RBBP6: variants seen among roughly 807,000 people sequenced by gnomAD.
RBBP6 encodes the protein E3 ubiquitin-protein ligase RBBP6.
Under a neutral mutation model 167.7 loss-of-function variants are expected in RBBP6, and 25 were observed. That is an observed-to-expected ratio of 0.15 (90% CI 0.11 to 0.21). The LOEUF (loss-of-function observed/expected upper bound fraction) is 0.21, where lower values mean the gene tolerates loss of function less well. Ranked by LOEUF, RBBP6 falls within the 10% of genes least tolerant of loss-of-function variation. RBBP6 has a pLI of 1.00. For missense variants in RBBP6, 1,868 were observed against 2,134.2 expected, an observed-to-expected ratio of 0.88 and a Z score of 2.46; for synonymous variants, 789 against 735.8, an observed-to-expected ratio of 1.07 and a Z score of -1.17.
At chr16:24,557,716 G>T (rs1317905063) in intron 7 of RBBP6, among the ~76,000 whole-genome samples, 3 of 152,086 alleles carry the variant, frequency 2.0e-5, no homozygotes, top group Non-Finnish European at 4.4e-5. Flanking sequence ...AGAATTAGGT[G>T]TTCATGTTCT....
intron 1 of RBBP6, among the ~76,000 whole-genome samples, chr16:24,541,940 A>G: frequency 6.6e-6 from 1 of 152,220 alleles, no homozygotes; most frequent in Non-Finnish European, 1.5e-5. Flanking sequence ...AAATCTTGTC[A>G]TGTAGAAGAC....
rs1384413540 is a variant in RBBP6, at chr16:24,572,436, C to T, written c.5370C>T (p.Val1790=). Residue 1790 remains valine, a synonymous_variant, in exon 18 of 18, where the codon GTC becomes GTT. Coordinates refer to ENST00000319715, the MANE Select transcript of RBBP6 (RefSeq NM_006910.5). ...AAGATGACCAAAAAGTGAAATCTGT[C>T]ACTGTGTAAAAAGACAGATTTTTTA... ...KEKDDQKVKS[V]TV is the part of the protein sequence containing the mutation. 2.6e-6 allele frequency: 4 copies of T among 1,525,252 alleles called. No homozygotes were observed. The highest frequency in any genetic ancestry group is 1.7e-4 in the Middle Eastern group (1 of 5,780). 94.5% of individuals were successfully genotyped at this position (1,525,252 alleles called of 1,614,324 possible). A position where few individuals can be genotyped will look rare whatever the true frequency, so the allele number is the denominator to read the frequency against.
In RBBP6 at chr16:24,562,004, A is replaced by C. The variant is rs201441676; in HGVS notation, c.1132A>C (p.Thr378Pro). Residue 378 changes from threonine to proline, a missense_variant, in exon 10 of 18, where the codon ACT becomes CCT. By Grantham distance (38) the Thr-to-Pro change is conservative (BLOSUM62 -1). Around this residue, in one of 7 missense-constraint regions of RBBP6, gnomAD observed 245 missense variants for 240.1 expected, o/e 1.02. Transcript: ENST00000319715. ...TATGATTCCAGTGACATCTTCATCA[A>C]CTCACCCAGCTCCGTCTATATCTTC... The part of the protein sequence containing the change: ...PLMIPVTSSS[T>P]HPAPSISSLT... 350 of 1,613,306 alleles carry C rather than the reference A, an allele frequency of 2.2e-4. 6 individuals are homozygous for C. In the South Asian group the frequency reaches 3.7e-3, roughly 17 times the overall value.
chr16:24,567,551 G>A, intron 15 of RBBP6, 46 bp downstream of exon 15: 1 of 1,531,882 alleles, frequency 6.5e-7, no homozygotes, highest in Non-Finnish European at 8.8e-7. Flanking sequence ...TTCATTTTCT[G>A]ATAATAACAT....
rs1488364358 is a variant in RBBP6, at chr16:24,561,859, A to C, written c.987A>C (p.Thr329=). The part of the protein sequence containing the change: ...VNNFKNETGY[T]KRLRKQLPPP... ...ACTTCAAAAATGAAACTGGCTATACAAAAAGACTACGAAAACAGTTACCTC... is the reference window on the plus strand; with the variant it reads ...ACTTCAAAAATGAAACTGGCTATACCAAAAGACTACGAAAACAGTTACCTC... The change falls in exon 10 of 18, where the codon ACA becomes ACC. Residue 329 remains threonine (T), a synonymous_variant. Coordinates refer to ENST00000319715, the MANE Select transcript of RBBP6 (RefSeq NM_006910.5). 2 of 1,612,974 alleles carry C rather than the reference A, an allele frequency of 1.2e-6. No homozygotes were observed. The highest frequency in any genetic ancestry group is 2.2e-5 in the East Asian group (1 of 44,882).
intron 8 of RBBP6, among the ~76,000 whole-genome samples, 166 bp from the exon 9 acceptor site, chr16:24,561,446 A>C (rs751286604): frequency 6.6e-6 from 1 of 152,222 alleles, no homozygotes; most frequent in Non-Finnish European, 1.5e-5. Context: ...GGAGTACTGT[A>C]AGATGAGAGA....
At chr16:24,548,784 A>G (rs72783902) in intron 2 of RBBP6, among the ~76,000 whole-genome samples, 161 bp from the exon 3 acceptor site, 12,553 of 152,250 alleles carry the variant, frequency 0.082, 637 homozygotes, top group Non-Finnish European at 0.11. Context: ...GTAAAGATTA[A>G]TCAGAGTAAT....
intron 15 of RBBP6, 50 bp downstream of exon 15, chr16:24,567,555 A>G: frequency 2.6e-6 from 4 of 1,519,214 alleles, no homozygotes; most frequent in Non-Finnish European, 3.5e-6. Flanking sequence ...TTTTCTGATA[A>G]TAACATTAAA....
At chr16:24,545,614 G>T (rs550330869) in intron 1 of RBBP6, among the ~76,000 whole-genome samples, 97 of 152,170 alleles carry the variant, frequency 6.4e-4, no homozygotes, top group African/African-American at 2.3e-3. Flanking sequence ...TGGGTTCTCA[G>T]TCTTTAAGTA....
At position 24,562,117 on chromosome 16, in the gene RBBP6, A is replaced by G. The variant is rs757153187; in HGVS notation, c.1245A>G (p.Thr415=). The G allele has an allele frequency of 2.2e-5, 35 of 1,613,362 alleles. No individual in the cohort carries two copies. The highest frequency in any genetic ancestry group is 3.0e-5 in the Non-Finnish European group (35 of 1,179,660). The change falls in exon 10 of 18, where the codon ACA becomes ACG. Residue 415 remains threonine (T), a synonymous_variant. Coordinates refer to ENST00000319715, the MANE Select transcript of RBBP6 (RefSeq NM_006910.5). ...CTCCTGTACCTGATATAACTGCAAC[A>G]GTATCCATATCAGTTCATTCAGAAA... ...APAPVPDITA[T]VSISVHSEKS... is the part of the protein sequence containing the mutation.
At chr16:24,556,995 CTTTTTTT>C (rs397962167) in intron 7 of RBBP6, among the ~76,000 whole-genome samples, 1 of 108,864 alleles carries the variant, frequency 9.2e-6, no homozygotes, top group East Asian at 2.5e-4. Flanking sequence ...ACCTTAATGC[CTTTTTTT>C]TTTTTTTTTT....
Position 24,572,497 on chromosome 16 carries a change from TTGTTATAATGTAA to T in RBBP6, c.*53_*65del. On this transcript the variant is annotated 3_prime_UTR_variant, in exon 18 of 18. Coordinates refer to ENST00000319715, the MANE Select transcript of RBBP6 (RefSeq NM_006910.5). Reference sequence around the variant, plus strand: ...ATTACTAAGTCATCTGTATTAAATTTTGTTATAATGTAAAGAGATTCAAGCCTTGTAAATAATG... The same window carrying T: ...ATTACTAAGTCATCTGTATTAAATTTAGAGATTCAAGCCTTGTAAATAATG... 6.8e-7 allele frequency: 1 copy of T among 1,478,428 alleles called. No individual in the cohort carries two copies. Among genetic ancestry groups the T allele is most frequent in the Non-Finnish European group, 8.9e-7 (1 of 1,122,268 alleles). The allele number at this position is 1,478,428 out of a possible 1,614,324, so 91.6% of individuals were successfully genotyped here.
In RBBP6 at chr16:24,572,391, TAAAGAG is replaced by T. The variant is rs148143334; in HGVS notation, c.5328_5333del (p.Glu1781_Lys1782del). ...AAAAGAAGTCAAAGAAGAACAAAGA[TAAAGAG>T]AAGGAGAAGGAGAAAGATGACCAAA... On this transcript the variant is annotated inframe_deletion, in exon 18 of 18. Coordinates refer to ENST00000319715, the MANE Select transcript of RBBP6 (RefSeq NM_006910.5). The T allele has an allele frequency of 0.073, 113,053 of 1,545,048 alleles. 4,688 individuals are homozygous for T. Among genetic ancestry groups the T allele is most frequent in the Non-Finnish European group, 0.085 (97,799 of 1,145,422 alleles).
Position 24,568,869 on chromosome 16 carries a change from T to C in RBBP6, c.2179T>C (p.Tyr727His). ...ATTCAGCCGCTCACATTCTCGTTCC[T>C]ATTCACGGTCACCTCCATACCCCAG... ...RSFSRSHSRS[Y>H]SRSPPYPRRG... Residue 727 changes from tyrosine to histidine, a missense_variant, in exon 17 of 18, where the codon TAT (tyrosine) becomes CAT (histidine). Around this residue, in one of 7 missense-constraint regions of RBBP6, gnomAD observed 673 missense variants for 691.5 expected, o/e 0.97. Coordinates refer to ENST00000319715, the MANE Select transcript of RBBP6 (RefSeq NM_006910.5). The C allele has an allele frequency of 6.2e-7, 1 of 1,614,260 alleles. No homozygotes were observed. Among genetic ancestry groups the C allele is most frequent in the East Asian group, 2.2e-5 (1 of 44,882 alleles).
rs1342831734 is a variant in RBBP6, at chr16:24,570,434, A to T, written c.3744A>T (p.Lys1248Asn). 1 of 1,607,478 alleles carries T rather than the reference A, an allele frequency of 6.2e-7. No homozygotes were observed. Among genetic ancestry groups the T allele is most frequent in the East Asian group, 2.2e-5 (1 of 44,852 alleles). Residue 1248 changes from lysine (K) to asparagine (N), a missense_variant, in exon 17 of 18, where the codon AAA (lysine) becomes AAT (asparagine). Around this residue, in one of 7 missense-constraint regions of RBBP6, gnomAD observed 673 missense variants for 691.5 expected, o/e 0.97. Coordinates refer to ENST00000319715, the MANE Select transcript of RBBP6 (RefSeq NM_006910.5). ...GCAAAGTTAAACAAGAAAAAGTCAA[A>T]GGAAAGGTCAGACGAAAAGTGACTG... ...TSSKVKQEKV[K>N]GKVRRKVTGT...
At chr16:24,560,036 C>T (rs1899009386) in intron 8 of RBBP6, among the ~76,000 whole-genome samples, 1 of 149,950 alleles carries the variant, frequency 6.7e-6, no homozygotes, top group Non-Finnish European at 1.5e-5. Context: ...GTATCTAAAT[C>T]TTTTTCCTGG....
At position 24,540,717 on chromosome 16, in the gene RBBP6, A is replaced by C. The variant is rs1291785123; in HGVS notation, c.91A>C (p.Lys31Gln). 1.9e-6 allele frequency: 3 copies of C among 1,614,158 alleles called. No homozygotes were observed. Among genetic ancestry groups the C allele is most frequent in the Non-Finnish European group, 2.5e-6 (3 of 1,180,024 alleles). ...CCACATCTCCCTCTGCGACTTAAAGAAGCAGATTATGGGGAGAGAGAAGCT... is the reference window on the plus strand; with the variant it reads ...CCACATCTCCCTCTGCGACTTAAAGCAGCAGATTATGGGGAGAGAGAAGCT... The part of the protein sequence containing the change: ...GLHISLCDLK[K>Q]QIMGREKLKA... Residue 31 changes from lysine to glutamine, a missense_variant, in exon 1 of 18, where the codon AAG (lysine) becomes CAG (glutamine). By Grantham distance (53) the Lys-to-Gln change is moderately conservative. This residue lies in a region of RBBP6 where 184 missense variants were observed against 327.7 expected (regional missense o/e 0.56). Coordinates refer to ENST00000319715, the MANE Select transcript of RBBP6 (RefSeq NM_006910.5).
intron 3 of RBBP6, chr16:24,553,010 A>C (rs1898835386): frequency 6.6e-6 from 1 of 151,996 alleles, no homozygotes; most frequent in African/African-American, 2.4e-5. Flanking sequence ...GAGAATAAAC[A>C]AACTTACTCA....
rs559784053 is a variant in RBBP6 at position 24,555,674 on chromosome 16, G to A, written c.408G>A (p.Ser136=). 1.9e-5 allele frequency: 31 copies of A among 1,613,570 alleles called. No homozygotes were observed. The Middle Eastern group carries it at 5.0e-4, about 26-fold the overall frequency. ...AAGATAAAATTAAAGCAATGATGTCGCAATCTGGCCATGAATACGACCCAA... is the reference window on the plus strand; with the variant it reads ...AAGATAAAATTAAAGCAATGATGTCACAATCTGGCCATGAATACGACCCAA... ...SEEDKIKAMM[S]QSGHEYDPIN... is the part of the protein sequence containing the mutation. The change falls in exon 5 of 18, where the codon TCG becomes TCA. Residue 136 remains serine, a synonymous_variant. Transcript: ENST00000319715.
Sources: allele counts gnomAD v4.1 joint callset (sites outside exome capture counted in the v4.1 genomes callset), GRCh38; gene constraint gnomAD v4.1.1; regional missense constraint gnomAD v4.1.1; transcripts MANE v1.5; gene names NCBI Gene and HGNC (gene_info 2026-07-23, HGNC 2026-07-21).